TBCK: variants seen among roughly 807,000 people sequenced by gnomAD.
TBCK encodes the protein TBC1 domain containing kinase.
A neutral mutation model predicts 113.4 loss-of-function variants in TBCK; 99 were observed. The observed-to-expected ratio is 0.87, with a 90% CI of 0.74 to 1.03. The LOEUF is 1.03. Ranked by LOEUF, TBCK falls within the 50% of genes least tolerant of loss-of-function variation. The probability of loss-of-function intolerance (pLI) is 0.00; values close to 1 mark genes in which losing one functional copy is unlikely to be tolerated. For synonymous variants in TBCK, 369 were observed against 370.8 expected (o/e 1.00, Z 0.05); for missense variants, 1,045 against 1,061.3 (o/e 0.98, Z 0.21).
intron 23 of TBCK, among the ~76,000 whole-genome samples, chr4:106,160,363 A>G (rs1264429115): frequency 6.6e-6 from 1 of 151,892 alleles, no homozygotes; most frequent in African/African-American, 2.4e-5. Flanking sequence ...TTTGCAAATC[A>G]TATATTTAAT....
At chr4:106,064,056 C>T (rs537709669) in intron 25 of TBCK, among the ~76,000 whole-genome samples, 4 of 151,812 alleles carry the variant, frequency 2.6e-5, no homozygotes, top group Admixed American at 1.3e-4. Context: ...AATGGGGAGC[C>T]GGGAGAGGGG....
chr4:106,112,482 T>A (rs1742981656), intron 24 of TBCK, among the ~76,000 whole-genome samples: 1 of 152,202 alleles, frequency 6.6e-6, no homozygotes, highest in South Asian at 2.1e-4. Flanking sequence ...AATCACGTAA[T>A]TCCCTCACTT....
intron 12 of TBCK, among the ~76,000 whole-genome samples, chr4:106,240,830 TAGAC>T (rs1760029204): frequency 6.6e-6 from 1 of 152,028 alleles, no homozygotes; most frequent in South Asian, 2.1e-4. Flanking sequence ...GCTAGAAAGA[TAGAC>T]ATGTGATAAA....
rs1381222058 is a variant in TBCK, at chr4:106,316,171, T to A, written c.-270A>T. 5.7e-6 allele frequency: 1 copy of A among 174,378 alleles called. No homozygotes were observed. The highest frequency in any genetic ancestry group is 1.2e-5 in the Non-Finnish European group (1 of 82,044). 10.8% of individuals were successfully genotyped at this position (174,378 alleles called of 1,614,324 possible). A position where few individuals can be genotyped will look rare whatever the true frequency, so the allele number is the denominator to read the frequency against. On this transcript the variant is annotated 5_prime_UTR_variant, in exon 1 of 26. Coordinates refer to ENST00000394708, the MANE Select transcript of TBCK (RefSeq NM_001163435.3). Reference sequence around the variant, plus strand: ...CGGAACCCGGCGAGGAGCGCAAGCCTGGCCTTCCCCAAACACAGATCCGAG... The same window carrying A: ...CGGAACCCGGCGAGGAGCGCAAGCCAGGCCTTCCCCAAACACAGATCCGAG...
Position 106,135,421 on chromosome 4 carries a change from C to CCAAATAATCTATAAT in TBCK, c.2236-19044_2236-19043insATTATAGATTATTTG, listed in dbSNP as rs1337787999. ...CAGGATTCAAATTTGGTCAGTCTGG[C>CCAAATAATCTATAAT]TCTGGAGAATGTACACTTAACCACA... On this transcript the variant is annotated intron_variant, in intron 23 of 25. Transcript: ENST00000394708. Among the ~76,000 whole-genome samples, 164 of 143,886 alleles carry CCAAATAATCTATAAT rather than the reference C, an allele frequency of 1.1e-3. 3 individuals are homozygous for CCAAATAATCTATAAT. The highest frequency in any genetic ancestry group is 3.5e-3 in the Middle Eastern group (1 of 284). The allele number at this position is 143,886 out of a possible 152,430, so 94.4% of individuals were successfully genotyped here.
At chr4:106,076,626 G>T (rs116743977) in intron 25 of TBCK, among the ~76,000 whole-genome samples, 1 of 152,028 alleles carries the variant, frequency 6.6e-6, no homozygotes, top group African/African-American at 2.4e-5. Flanking sequence ...GAGAAGCGGC[G>T]GGTCACTTAC....
chr4:106,143,515 AATTTTCT>A (rs1215919048), intron 23 of TBCK, among the ~76,000 whole-genome samples: 1 of 152,188 alleles, frequency 6.6e-6, no homozygotes, highest in African/African-American at 2.4e-5. Flanking sequence ...TTACCATGTA[AATTTTCT>A]ATTTTCTAAG....
intron 1 of TBCK, among the ~76,000 whole-genome samples, chr4:106,312,710 G>A (rs1768333378): frequency 6.6e-6 from 1 of 152,064 alleles, no homozygotes; most frequent in Non-Finnish European, 1.5e-5. Flanking sequence ...TGTCCCATAA[G>A]TGAATCAATT....
intron 25 of TBCK, among the ~76,000 whole-genome samples, chr4:106,058,967 A>G (rs943875204): frequency 2.0e-5 from 3 of 151,698 alleles, no homozygotes; most frequent in African/African-American, 7.3e-5. Context: ...ATAATTTTAG[A>G]CCTAGTTAAC....
At chr4:106,206,046 A>C (rs1579235268) in intron 20 of TBCK, among the ~76,000 whole-genome samples, 1 of 152,150 alleles carries the variant, frequency 6.6e-6, no homozygotes, top group East Asian at 1.9e-4. Flanking sequence ...AAATACATAA[A>C]TATATTTTAA....
chr4:106,147,647 T>C (rs536902220), intron 23 of TBCK, among the ~76,000 whole-genome samples: 227 of 152,298 alleles, frequency 1.5e-3, no homozygotes, highest in African/African-American at 5.2e-3. Context: ...GTCTTTACTT[T>C]AATCTCTTAA....
At chr4:106,061,056 G>A (rs1202888810) in intron 25 of TBCK, among the ~76,000 whole-genome samples, 1 of 151,610 alleles carries the variant, frequency 6.6e-6, no homozygotes, top group African/African-American at 2.4e-5. Context: ...AAAAAAAAGT[G>A]TTTTCTTGAG....
At chr4:106,167,904 AC>A (rs1163926487) in intron 23 of TBCK, among the ~76,000 whole-genome samples, 1 of 151,878 alleles carries the variant, frequency 6.6e-6, no homozygotes, top group Non-Finnish European at 1.5e-5. Flanking sequence ...AGATGAATTC[AC>A]TGGTAAATTC....
intron 10 of TBCK, among the ~76,000 whole-genome samples, chr4:106,245,890 C>T (rs766296723): frequency 2.0e-5 from 3 of 152,028 alleles, no homozygotes; most frequent in Non-Finnish European, 4.4e-5. Context: ...TCATTTAGAT[C>T]CCATTAGCCA....
In TBCK at chr4:106,306,557, C is replaced by A. The variant is rs190403960; in HGVS notation, c.193+2211G>T. Among the ~76,000 whole-genome samples the A allele has an allele frequency of 2.5e-3, 379 of 152,108 alleles. 2 individuals are homozygous for A. The highest frequency in any genetic ancestry group is 8.7e-3 in the African/African-American group (359 of 41,472). ...ACTTGGGACCTGGGGTAATGAGTTACTCATTTTTGTATATTTGGCATCTAG... is the reference window on the plus strand; with the variant it reads ...ACTTGGGACCTGGGGTAATGAGTTAATCATTTTTGTATATTTGGCATCTAG... On this transcript the variant is annotated intron_variant, in intron 2 of 25. Coordinates refer to ENST00000394708, the MANE Select transcript of TBCK (RefSeq NM_001163435.3).
chr4:106,167,077 C>T (rs1750453529), intron 23 of TBCK, among the ~76,000 whole-genome samples: 1 of 147,696 alleles, frequency 6.8e-6, no homozygotes, highest in Admixed American at 6.8e-5. Context: ...TAAACTTATT[C>T]ATATATATAG....
At chr4:106,273,861 T>C (rs956455181) in intron 3 of TBCK, among the ~76,000 whole-genome samples, 4 of 152,246 alleles carry the variant, frequency 2.6e-5, no homozygotes, top group African/African-American at 9.6e-5. Context: ...AAACGTCTGT[T>C]ATTTTAAGCT....
In TBCK at chr4:106,262,154, T is replaced by G; in HGVS notation, c.325A>C (p.Lys109Gln). Residue 109 changes from lysine (K) to glutamine (Q), a missense_variant, in exon 4 of 26, where the codon AAA becomes CAA. Physicochemically the swap from Lys to Gln is moderately conservative, Grantham distance 53. Transcript: ENST00000394708. ...EVLQGLQYMNKHGIVHRALSP... is the reference protein window; with the variant it reads ...EVLQGLQYMNQHGIVHRALSP... The stretch of plus-strand genomic sequence containing the variant: ...AATGCCCTGTGTACTATACCATGTT[T>G]GTTCATATACTGCAAGCCCTGAAGA... 1 of 1,548,956 alleles carries G rather than the reference T, an allele frequency of 6.5e-7. No individual in the cohort carries two copies. The highest frequency in any genetic ancestry group is 1.4e-5 in the African/African-American group (1 of 73,030).
At chr4:106,193,898 CAA>C in intron 21 of TBCK, 128 bp from the exon 22 acceptor site, 1 of 584,910 alleles carries the variant, frequency 1.7e-6, no homozygotes, top group Non-Finnish European at 2.8e-6. Flanking sequence ...CTAATACTAC[CAA>C]ACTCTTTTTA....
Sources: allele counts gnomAD v4.1 joint callset (sites outside exome capture counted in the v4.1 genomes callset), GRCh38; gene constraint gnomAD v4.1.1; transcripts MANE v1.5; gene names NCBI Gene and HGNC (gene_info 2026-07-23, HGNC 2026-07-21).